GRID2: variants seen among roughly 807,000 people sequenced by gnomAD.
GRID2 encodes the protein glutamate ionotropic receptor delta type subunit 2.
Under a neutral mutation model 114.8 loss-of-function variants are expected in GRID2, and 33 were observed. The observed-to-expected ratio is 0.29, with a 90% CI of 0.22 to 0.38. The LOEUF (loss-of-function observed/expected upper bound fraction) is 0.38, where lower values mean the gene tolerates loss of function less well. GRID2 is among the 10% of genes least tolerant of loss of function. The pLI, the probability that GRID2 is intolerant of heterozygous loss-of-function variation, is 1.00. For missense variants in GRID2, 1,184 were observed against 1,257.7 expected, an observed-to-expected ratio of 0.94 and a Z score of 0.89; for synonymous variants, 505 against 449.9, an observed-to-expected ratio of 1.12 and a Z score of -1.55.
chr4:93,053,294 G>A lies in GRID2; in HGVS notation c.245-31701G>A, dbSNP rs77928301. On this transcript the variant is annotated intron_variant, in intron 2 of 15. Transcript: ENST00000282020. ...AATATGTGTATTACTGAGCCCTTTA[G>A]ATGATTCTGATGCATGCCAAAGTTT... is the stretch of plus-strand genomic sequence containing the variant. 5.3e-5 allele frequency among the ~76,000 whole-genome samples: 8 copies of A among 152,032 alleles called. No individual in the cohort carries two copies. In the East Asian group the frequency reaches 1.5e-3, roughly 29 times the overall value.
intron 14 of GRID2, among the ~76,000 whole-genome samples, chr4:93,714,723 T>C (rs66471066): frequency 0.31 from 47,383 of 152,158 alleles, 7,856 homozygotes; most frequent in Middle Eastern, 0.47. Context: ...GCCACATGTA[T>C]GTCTTCTTTT....
intron 13 of GRID2, among the ~76,000 whole-genome samples, chr4:93,608,333 T>TTTTTC (rs1740533942): frequency 7.0e-6 from 1 of 143,326 alleles, no homozygotes; most frequent in African/African-American, 2.6e-5. Flanking sequence ...TATTATACTT[T>TTTTTC]AAGTTTTAGG....
At chr4:93,021,089 C>T (rs1723237009) in intron 2 of GRID2, among the ~76,000 whole-genome samples, 1 of 150,818 alleles carries the variant, frequency 6.6e-6, no homozygotes, top group African/African-American at 2.4e-5. Flanking sequence ...ATAATCCTGT[C>T]ATTAAGGGCA....
intron 2 of GRID2, among the ~76,000 whole-genome samples, chr4:92,786,421 A>C (rs1479143654): frequency 6.6e-6 from 1 of 151,866 alleles, no homozygotes; most frequent in Non-Finnish European, 1.5e-5. Context: ...TTACATCACT[A>C]TCTTAAGGCT....
chr4:92,861,009 A>G (rs764796411), intron 2 of GRID2, among the ~76,000 whole-genome samples: 17 of 152,092 alleles, frequency 1.1e-4, no homozygotes, highest in Non-Finnish European at 2.5e-4. Context: ...TAAATATATG[A>G]CAGTACCAAG....
At chr4:93,327,660 T>C (rs778143293) in intron 8 of GRID2, among the ~76,000 whole-genome samples, 3 of 151,910 alleles carry the variant, frequency 2.0e-5, no homozygotes, top group African/African-American at 7.3e-5. Context: ...ATACTGCATG[T>C]TCTCACTTAT....
intron 1 of GRID2, among the ~76,000 whole-genome samples, chr4:92,467,453 C>T (rs943516444): frequency 6.6e-6 from 1 of 151,938 alleles, no homozygotes; most frequent in African/African-American, 2.4e-5. Context: ...TGTACTACTA[C>T]ACACTAATAT....
chr4:92,803,294 T>A (rs1740260611), intron 2 of GRID2, among the ~76,000 whole-genome samples: 1 of 152,094 alleles, frequency 6.6e-6, no homozygotes, highest in African/African-American at 2.4e-5. Flanking sequence ...AAGTAAGGTG[T>A]AATTCAGGAG....
At chr4:93,263,423 C>G (rs1003749925) in intron 8 of GRID2, among the ~76,000 whole-genome samples, 4 of 151,920 alleles carry the variant, frequency 2.6e-5, no homozygotes, top group African/African-American at 9.7e-5. Flanking sequence ...TTCAATCCAT[C>G]TGAGATTTTT....
chr4:93,371,124 A>T (rs553945742), intron 8 of GRID2, among the ~76,000 whole-genome samples: 6 of 152,322 alleles, frequency 3.9e-5, no homozygotes, highest in African/African-American at 1.4e-4. Context: ...AAATCCCAAA[A>T]TAGAATTGTT....
chr4:93,352,946 G>A (rs62307825), intron 8 of GRID2, among the ~76,000 whole-genome samples: 1,625 of 152,100 alleles, frequency 0.011, 6 homozygotes, highest in Non-Finnish European at 0.018. Flanking sequence ...ATGTATTGTG[G>A]TCAACAGAAG....
intron 1 of GRID2, among the ~76,000 whole-genome samples, chr4:93,780,061 A>G (rs929071384): frequency 2.6e-5 from 4 of 152,210 alleles, no homozygotes; most frequent in Admixed American, 6.5e-5. Flanking sequence ...TAACTGAGGG[A>G]GACAGATAAT....
intron 2 of GRID2, among the ~76,000 whole-genome samples, chr4:92,650,969 G>A (rs756835288): frequency 4.1e-4 from 62 of 152,016 alleles, no homozygotes; most frequent in Non-Finnish European, 7.8e-4. Context: ...CAAGGCAGCT[G>A]CCTCAGGATG....
chr4:93,119,293 G>A (rs938899709), intron 4 of GRID2, among the ~76,000 whole-genome samples: 1 of 152,090 alleles, frequency 6.6e-6, no homozygotes, highest in Non-Finnish European at 1.5e-5. Flanking sequence ...TGAAACAGCA[G>A]TGCTCACTTG....
chr4:93,057,651 A>G lies in GRID2; in HGVS notation c.245-27344A>G, dbSNP rs116336509. Among the ~76,000 whole-genome samples, 1,176 of 152,058 alleles carry G rather than the reference A, an allele frequency of 7.7e-3. 16 individuals are homozygous for G. The highest frequency in any genetic ancestry group is 0.027 in the African/African-American group (1,109 of 41,534). ...AGTCTCATTGACTACAACTGTGTCA[A>G]TGAACTCCCCTAGCCTCAAACTAGT... On this transcript the variant is annotated intron_variant, in intron 2 of 15. Transcript: ENST00000282020.
rs1432505153 is a variant in GRID2, at chr4:92,700,410, C to A, written c.244+110124C>A. 2.0e-5 allele frequency among the ~76,000 whole-genome samples: 3 copies of A among 152,144 alleles called. No individual in the cohort carries two copies. In the East Asian group the frequency reaches 5.8e-4, roughly 29 times the overall value. ...AGACACCTAAAATATCTCATATATT[C>A]TAAGACTATCCTAGGGGTACAATGG... On this transcript the variant is annotated intron_variant, in intron 2 of 15. Coordinates refer to ENST00000282020, the MANE Select transcript of GRID2 (RefSeq NM_001510.4).
intron 2 of GRID2, among the ~76,000 whole-genome samples, chr4:93,080,213 T>G (rs1729733657): frequency 6.6e-6 from 1 of 152,132 alleles, no homozygotes; most frequent in African/African-American, 2.4e-5. Flanking sequence ...TGGAGCTTTT[T>G]GGTGGAATAT....
At chr4:93,541,834 A>G (rs1578221634) in intron 13 of GRID2, among the ~76,000 whole-genome samples, 1 of 152,320 alleles carries the variant, frequency 6.6e-6, no homozygotes, top group South Asian at 2.1e-4. Flanking sequence ...TCAGCAAGTA[A>G]TGATTAATTA....
intron 2 of GRID2, among the ~76,000 whole-genome samples, chr4:93,019,249 T>G (rs1723051654): frequency 6.6e-6 from 1 of 152,198 alleles, no homozygotes; most frequent in Non-Finnish European, 1.5e-5. Flanking sequence ...ACTAGAAGAA[T>G]TAGATGACAG....
Sources: allele counts gnomAD v4.1 joint callset (sites outside exome capture counted in the v4.1 genomes callset), GRCh38; gene constraint gnomAD v4.1.1; transcripts MANE v1.5; gene names NCBI Gene and HGNC (gene_info 2026-07-23, HGNC 2026-07-21).